The following LRCH4 variants were observed in gnomAD, a reference collection of about 807,000 sequenced individuals.
The protein encoded by LRCH4 is leucine rich repeats and calponin homology domain containing 4.
LRCH4 carries 56 observed loss-of-function variants against 81.2 expected under a neutral mutation model. The observed-to-expected ratio is 0.69, with a 90% confidence interval of 0.56 to 0.86. The LOEUF is 0.86. Ranked by LOEUF, LRCH4 falls within the 40% of genes least tolerant of loss-of-function variation. The pLI, the probability that LRCH4 is intolerant of heterozygous loss-of-function variation, is 0.00. For missense variants in LRCH4, 895 were observed against 922.8 expected (o/e 0.97, Z 0.39); for synonymous variants, 442 against 409.7 (o/e 1.08, Z -0.95).
At position 100,575,774 on chromosome 7, in the gene LRCH4, G is replaced by C; in HGVS notation, c.1785C>G (p.Leu595=). The C allele has an allele frequency of 6.2e-7, 1 of 1,609,632 alleles. No homozygotes were observed. The highest frequency in any genetic ancestry group is 2.2e-5 in the East Asian group (1 of 44,766). ...CATTCTTCCGAGCCTTGAGGGCACTGAGTTTTGGCTGGGGTGGGTGAAAGA... is the reference window on the plus strand; with the variant it reads ...CATTCTTCCGAGCCTTGAGGGCACTCAGTTTTGGCTGGGGTGGGTGAAAGA... ...IHVPSPAVPK[L]SALKARKNVE... Residue 595 remains leucine, a synonymous_variant, in exon 17 of 18, where the codon CTC becomes CTG. Transcript: ENST00000310300. This position sits in a 1 kb window ranked among gnomAD's most constrained non-coding sequence, Gnocchi z 5.3.
chr7:100,575,444 A>G lies in LRCH4; in HGVS notation c.1855-140T>C. On this transcript the variant is annotated intron_variant, in intron 17 of 17. Transcript: ENST00000310300. The surrounding 1 kb of genome is among the most constrained non-coding windows in gnomAD (Gnocchi z 5.3). ...CTGACGTGCTGGGCAGGGGGAGTGC[A>G]GTGCAGGAGGAGTGCAGGGCAGGGC... The G allele has an allele frequency of 1.1e-6, 1 of 890,994 alleles. No individual in the cohort carries two copies. Among genetic ancestry groups the G allele is most frequent in the South Asian group, 1.4e-5 (1 of 70,568 alleles). 55.2% of individuals were successfully genotyped at this position (890,994 alleles called of 1,614,324 possible).
chr7:100,582,347 C>A lies in LRCH4; in HGVS notation c.333G>T (p.Gly111=), dbSNP rs779704857. 10 of 1,614,046 alleles carry A rather than the reference C, an allele frequency of 6.2e-6. No individual in the cohort carries two copies. The Admixed American group carries it at 1.7e-4, about 27-fold the overall frequency. ...NCLRCLNPAL[G]NLTALTYLNL... ...TGAGGTAGGTGAGGGCTGTGAGATT[C>A]CCCAAGGCTGGGTTCAGGCATCTCA... is the stretch of plus-strand genomic sequence containing the variant. The change falls in exon 2 of 18, where the codon GGG becomes GGT. Residue 111 remains glycine, a synonymous_variant. Coordinates refer to ENST00000310300, the MANE Select transcript of LRCH4 (RefSeq NM_002319.5). The surrounding 1 kb of genome is among the most constrained non-coding windows in gnomAD (Gnocchi z 5.0).
chr7:100,575,303 G>C lies in LRCH4; in HGVS notation c.1856C>G (p.Ala619Gly). 1 of 1,541,858 alleles carries C rather than the reference G, an allele frequency of 6.5e-7. No individual in the cohort carries two copies. The highest frequency in any genetic ancestry group is 8.8e-7 in the Non-Finnish European group (1 of 1,139,628). ...EACRKMGVPE[A>G]DLCSPSDLLQ... ...GAGATCCGAGGGCGAGCACAGGTCAGCCTGGGGGAGAGGAGAGCAGGTGGA... is the reference window on the plus strand; with the variant it reads ...GAGATCCGAGGGCGAGCACAGGTCACCCTGGGGGAGAGGAGAGCAGGTGGA... Residue 619 changes from alanine (A) to glycine (G), a missense_variant and splice_region_variant, in exon 18 of 18, where the codon GCT becomes GGT. Physicochemically the swap from Ala to Gly is moderately conservative, Grantham distance 60. Transcript: ENST00000310300. This position sits in a 1 kb window ranked among gnomAD's most constrained non-coding sequence, Gnocchi z 5.3.
chr7:100,577,289 C>G lies in LRCH4; in HGVS notation c.1279G>C (p.Ala427Pro), dbSNP rs765196008. ...RQQQQSGAWG[A>P]PRKDSLLKPG... is the part of the protein sequence containing the mutation. ...GGGTCCCACCTATCCTTCCTCGGGGCCCCCCACGCCCCGCTCTGCTGCTGC... is the reference window on the plus strand; with the variant it reads ...GGGTCCCACCTATCCTTCCTCGGGGGCCCCCACGCCCCGCTCTGCTGCTGC... Residue 427 changes from alanine (A) to proline (P), a missense_variant, in exon 11 of 18, where the codon GCC (alanine) becomes CCC (proline). Around this residue, in one of 3 missense-constraint regions of LRCH4, gnomAD observed 529 missense variants for 504.9 expected, o/e 1.05. Coordinates refer to ENST00000310300, the MANE Select transcript of LRCH4 (RefSeq NM_002319.5). This position sits in a 1 kb window ranked among gnomAD's most constrained non-coding sequence, Gnocchi z 6.7. The G allele has an allele frequency of 2.5e-6, 4 of 1,598,050 alleles. No homozygotes were observed. In the Admixed American group the frequency reaches 6.7e-5, roughly 27 times the overall value.
In LRCH4 at chr7:100,577,686, T is replaced by C; in HGVS notation, c.1094A>G (p.Asp365Gly). The change falls in exon 9 of 18, where the codon GAT (aspartate) becomes GGT (glycine). Residue 365 changes from aspartate (D) to glycine (G), a missense_variant. Physicochemically the swap from Asp to Gly is moderately conservative, Grantham distance 94. Coordinates refer to ENST00000310300, the MANE Select transcript of LRCH4 (RefSeq NM_002319.5). The surrounding 1 kb of genome is among the most constrained non-coding windows in gnomAD (Gnocchi z 6.7). ...CACCTCCACAGTGCCTCGCTCTTCA[T>C]CCTCCCCGGGGACATGGCTGTCGAT... The part of the protein sequence containing the change: ...DFIDSHVPGE[D>G]EERGTVEEQR... 1 of 1,613,870 alleles carries C rather than the reference T, an allele frequency of 6.2e-7. No homozygotes were observed. The highest frequency in any genetic ancestry group is 8.5e-7 in the Non-Finnish European group (1 of 1,179,964).
At chr7:100,584,016 G>A in intron 1 of LRCH4, 2 of 381,964 alleles carry the variant, frequency 5.2e-6, no homozygotes, top group Middle Eastern at 1.5e-3. Context: ...GCCACCTCAG[G>A]ATTCTTCCTA....
rs1801354753 is a variant in LRCH4 at position 100,576,249 on chromosome 7, G to A, written c.1627C>T (p.Gln543Ter). 6.2e-7 allele frequency: 1 copy of A among 1,614,060 alleles called. No homozygotes were observed. The highest frequency in any genetic ancestry group is 8.5e-7 in the Non-Finnish European group (1 of 1,179,978). ...CCGCCTCTGCTCACCTGGCGCAGCTGAGTCATTAAGTCCTTCTCATCTGGA... is the reference window on the plus strand; with the variant it reads ...CCGCCTCTGCTCACCTGGCGCAGCTAAGTCATTAAGTCCTTCTCATCTGGA... ...QVPDEKDLMT[Q>*]LRQVLESRLQ... Residue 543 changes from glutamine (Q) to a stop codon, truncating the protein, a stop_gained, in exon 15 of 18, where the codon CAG becomes TAG. Transcript: ENST00000310300. LOFTEE classifies it high-confidence loss of function.
At position 100,575,903 on chromosome 7, in the gene LRCH4, C is replaced by T. The variant is rs753444990; in HGVS notation, c.1744G>A (p.Val582Met). ...QLANQLRPRS[V>M]PFIHVPSPAV... ...GGGGAGGGCACATGGATGAAGGGCA[C>T]GGAGCGCGGCCGTAGCTGGTTGGCC... is the stretch of plus-strand genomic sequence containing the variant. Residue 582 changes from valine to methionine, a missense_variant, in exon 16 of 18, where the codon GTG (valine) becomes ATG (methionine). Physicochemically the swap from Val to Met is conservative, Grantham distance 21. Coordinates refer to ENST00000310300, the MANE Select transcript of LRCH4 (RefSeq NM_002319.5). The surrounding 1 kb of genome is among the most constrained non-coding windows in gnomAD (Gnocchi z 5.3). The T allele has an allele frequency of 1.9e-6, 3 of 1,613,126 alleles. No individual in the cohort carries two copies. Among genetic ancestry groups the T allele is most frequent in the Non-Finnish European group, 8.5e-7 (1 of 1,179,602 alleles).
At position 100,574,749 on chromosome 7, in the gene LRCH4, A is replaced by T. The variant is rs934892230; in HGVS notation, c.*358T>A. ...TAGATCCTCTCTACAAAATAGAGAT[A>T]ATTTAGCCCCCCCATAGCAGCTGTT... On this transcript the variant is annotated 3_prime_UTR_variant, in exon 18 of 18. Coordinates refer to ENST00000310300, the MANE Select transcript of LRCH4 (RefSeq NM_002319.5). 8.1e-5 allele frequency: 19 copies of T among 234,364 alleles called. No homozygotes were observed. The highest frequency in any genetic ancestry group is 3.8e-4 in the African/African-American group (17 of 44,572). The allele number at this position is 234,364 out of a possible 1,614,324, so 14.5% of individuals were successfully genotyped here.
chr7:100,584,308 T>C, intron 1 of LRCH4: 3 of 450,320 alleles, frequency 6.7e-6, no homozygotes, highest in South Asian at 4.7e-5. Flanking sequence ...GCCTAGAACC[T>C]GGGCCCTGTG....
At position 100,585,936 on chromosome 7, in the gene LRCH4, C is replaced by A. The variant is rs1482572327; in HGVS notation, c.165G>T (p.Lys55Asn). 2.0e-5 allele frequency: 33 copies of A among 1,612,232 alleles called. No homozygotes were observed. The Admixed American group carries it at 5.5e-4, about 27-fold the overall frequency. Residue 55 changes from lysine to asparagine, a missense_variant, in exon 1 of 18, where the codon AAG becomes AAT. By Grantham distance (94) the Lys-to-Asn change is moderately conservative. Coordinates refer to ENST00000310300, the MANE Select transcript of LRCH4 (RefSeq NM_002319.5). ...GTLNLSNRRL[K>N]HFPRGAARSY... ...TACGGGCCGCGCCCCGGGGGAAGTG[C>A]TTCAAGCGCCGGTTAGACAGGTTCA...
chr7:100,575,432 C>T lies in LRCH4; in HGVS notation c.1855-128G>A. 1.0e-6 allele frequency: 1 copy of T among 952,446 alleles called. No individual in the cohort carries two copies. Among genetic ancestry groups the T allele is most frequent in the Non-Finnish European group, 1.6e-6 (1 of 618,274 alleles). The allele number at this position is 952,446 out of a possible 1,614,324, so 59.0% of individuals were successfully genotyped here. On this transcript the variant is annotated intron_variant, in intron 17 of 17. Coordinates refer to ENST00000310300, the MANE Select transcript of LRCH4 (RefSeq NM_002319.5). This position sits in a 1 kb window ranked among gnomAD's most constrained non-coding sequence, Gnocchi z 5.3. ...CACGCCCACATGCTGACGTGCTGGG[C>T]AGGGGGAGTGCAGTGCAGGAGGAGT... is the stretch of plus-strand genomic sequence containing the variant.
intron 14 of LRCH4, 55 bp downstream of exon 14, chr7:100,576,639 T>G: frequency 2.8e-6 from 4 of 1,443,886 alleles, no homozygotes; most frequent in Non-Finnish European, 3.8e-6. Flanking sequence ...AAGGGTGATG[T>G]AGCCGTTGGT....
Position 100,578,756 on chromosome 7 carries a change from T to C in LRCH4, c.629A>G (p.Asp210Gly). Residue 210 changes from aspartate (D) to glycine (G), a missense_variant, in exon 5 of 18, where the codon GAT (aspartate) becomes GGT (glycine). Transcript: ENST00000310300. This position sits in a 1 kb window ranked among gnomAD's most constrained non-coding sequence, Gnocchi z 5.7. ...TCGGGAGACGCGGTTACAGGAGAAA[T>C]CCAGGCGGACCAGAGGGAGGTCCCC... The part of the protein sequence containing the change: ...ELGDLPLVRL[D>G]FSCNRVSRIP... 6.2e-7 allele frequency: 1 copy of C among 1,613,520 alleles called. No individual in the cohort carries two copies. The highest frequency in any genetic ancestry group is 8.5e-7 in the Non-Finnish European group (1 of 1,179,934).
chr7:100,585,926 G>C lies in LRCH4; in HGVS notation c.175C>G (p.Arg59Gly), dbSNP rs756678338. 6.2e-7 allele frequency: 1 copy of C among 1,611,406 alleles called. No homozygotes were observed. Among genetic ancestry groups the C allele is most frequent in the African/African-American group, 1.3e-5 (1 of 74,732 alleles). The change falls in exon 1 of 18, where the codon CGG (arginine) becomes GGG (glycine). Residue 59 changes from arginine (R) to glycine (G), a missense_variant. Arg to Gly is a moderately radical substitution (Grantham distance 125, BLOSUM62 -2). Transcript: ENST00000310300. ...LSNRRLKHFP[R>G]GAARSYDLSD... Reference sequence around the variant, plus strand: ...AGGTCGTAGCTACGGGCCGCGCCCCGGGGGAAGTGCTTCAAGCGCCGGTTA... The same window carrying C: ...AGGTCGTAGCTACGGGCCGCGCCCCCGGGGAAGTGCTTCAAGCGCCGGTTA...
At chr7:100,576,104 C>A in intron 15 of LRCH4, 96 bp from the exon 16 acceptor site, 4 of 1,466,034 alleles carry the variant, frequency 2.7e-6, no homozygotes, top group Non-Finnish European at 3.7e-6. Context: ...GGAACTTGTG[C>A]CTGTCCCTTC....
In LRCH4 at chr7:100,577,875, G is replaced by C; in HGVS notation, c.986C>G (p.Ser329Ter). The C allele has an allele frequency of 6.2e-7, 1 of 1,614,082 alleles. No homozygotes were observed. Among genetic ancestry groups the C allele is most frequent in the Non-Finnish European group, 8.5e-7 (1 of 1,179,930 alleles). ...TCCCCGGGGCTCCCGGGCCAGCTCT[G>C]AGATCCGGAATGACAGCTCTGAAAA... ...DEFSELSFRI[S>*]ELAREPRGPR... Residue 329 changes from serine to a stop codon, truncating the protein, a stop_gained, in exon 8 of 18, where the codon TCA becomes TGA. Coordinates refer to ENST00000310300, the MANE Select transcript of LRCH4 (RefSeq NM_002319.5). LOFTEE classifies it high-confidence loss of function. The surrounding 1 kb of genome is among the most constrained non-coding windows in gnomAD (Gnocchi z 6.7).
intron 4 of LRCH4, 152 bp downstream of exon 4, chr7:100,581,625 C>T: frequency 1.6e-6 from 1 of 645,016 alleles, no homozygotes; most frequent in Non-Finnish European, 2.7e-6. Flanking sequence ...ACCATGGAAG[C>T]ACCCAGATCC....
At chr7:100,576,168 T>A in intron 15 of LRCH4, 70 bp downstream of exon 15, 1 of 1,538,572 alleles carries the variant, frequency 6.5e-7, no homozygotes. Flanking sequence ...GGGAGGCTGG[T>A]CCCAAGGACA....
Sources: allele counts gnomAD v4.1 joint callset, GRCh38; gene constraint gnomAD v4.1.1; regional missense constraint gnomAD v4.1.1; non-coding constraint Gnocchi (gnomAD v3.1); transcripts MANE v1.5; gene names NCBI Gene and HGNC (gene_info 2026-07-23, HGNC 2026-07-21).